The following SLC24A3 variants were observed in gnomAD, a reference collection of about 807,000 sequenced individuals.
SLC24A3 encodes solute carrier family 24 member 3, also known as sodium/potassium/calcium exchanger 3.
In SLC24A3, 28 loss-of-function variants were observed where a neutral mutation model predicts 75.8. The ratio of observed to expected loss-of-function variants is 0.37; its 90% confidence interval spans 0.27 to 0.51. The LOEUF (loss-of-function observed/expected upper bound fraction) is 0.51, where lower values mean the gene tolerates loss of function less well. SLC24A3 is among the 20% of genes least tolerant of loss of function. The pLI is 0.94. For missense variants in SLC24A3, 663 were observed against 847.8 expected, an observed-to-expected ratio of 0.78 and a Z score of 2.71; for synonymous variants, 372 against 334.1, an observed-to-expected ratio of 1.11 and a Z score of -1.24.
intron 9 of SLC24A3, among the ~76,000 whole-genome samples, chr20:19,678,711 T>G (rs1412549157): frequency 8.5e-6 from 1 of 117,354 alleles, no homozygotes; most frequent in Non-Finnish European, 1.7e-5. Flanking sequence ...CCAGACGGGG[T>G]GGCTGCCGGG....
chr20:19,656,681 T>C (rs1232096463), intron 7 of SLC24A3, among the ~76,000 whole-genome samples: 1 of 152,174 alleles, frequency 6.6e-6, no homozygotes, highest in Non-Finnish European at 1.5e-5. Flanking sequence ...TCTACTTTGC[T>C]GAATTCCAGA....
intron 3 of SLC24A3, among the ~76,000 whole-genome samples, chr20:19,567,054 C>T (rs909556974): frequency 4.6e-5 from 7 of 152,160 alleles, no homozygotes; most frequent in Non-Finnish European, 1.0e-4. Context: ...TTATACATTG[C>T]TGCTGGGAAT....
At chr20:19,634,878 C>G (rs767057149) in intron 6 of SLC24A3, among the ~76,000 whole-genome samples, 11 of 152,082 alleles carry the variant, frequency 7.2e-5, no homozygotes, top group African/African-American at 2.7e-4. Context: ...ATAAATGATA[C>G]CGCAAAAATT....
intron 2 of SLC24A3, among the ~76,000 whole-genome samples, chr20:19,384,550 A>C (rs934188062): frequency 1.3e-5 from 2 of 152,184 alleles, no homozygotes; most frequent in African/African-American, 4.8e-5. Flanking sequence ...GTGTATATAT[A>C]CCACCTTTTC....
intron 1 of SLC24A3, among the ~76,000 whole-genome samples, chr20:19,222,793 CTTCCTTCCTTCCTTCCTTCCTTCG>C: frequency 7.2e-6 from 1 of 138,596 alleles, no homozygotes; most frequent in Non-Finnish European, 1.5e-5. Flanking sequence ...CCCTTCCTTC[CTTCCTTCCTTCCTTCCTTCCTTCG>C]TTCCTTCCTT....
chr20:19,285,975 C>CT (rs1477545451), intron 2 of SLC24A3, among the ~76,000 whole-genome samples: 1 of 152,160 alleles, frequency 6.6e-6, no homozygotes, highest in African/African-American at 2.4e-5. Context: ...AGGAAATGAG[C>CT]TTTTCCTCAG....
At chr20:19,338,787 A>G (rs1985197529) in intron 2 of SLC24A3, among the ~76,000 whole-genome samples, 1 of 152,198 alleles carries the variant, frequency 6.6e-6, no homozygotes, top group African/African-American at 2.4e-5. Flanking sequence ...CGAAAATTGC[A>G]TGGGCTTGAG....
chr20:19,512,806 A>G (rs1249768165), intron 2 of SLC24A3, among the ~76,000 whole-genome samples: 1 of 152,182 alleles, frequency 6.6e-6, no homozygotes, highest in Non-Finnish European at 1.5e-5. Flanking sequence ...TCACGGAGGA[A>G]GCTTGTGGGG....
chr20:19,575,958 A>G (rs1259228521), intron 3 of SLC24A3, among the ~76,000 whole-genome samples: 1 of 152,160 alleles, frequency 6.6e-6, no homozygotes, highest in Non-Finnish European at 1.5e-5. Context: ...TGATCTTTAT[A>G]CAGGGAGATA....
chr20:19,719,693 C>T (rs2033082130), intron 16 of SLC24A3, among the ~76,000 whole-genome samples: 1 of 152,200 alleles, frequency 6.6e-6, no homozygotes, highest in Non-Finnish European at 1.5e-5. Context: ...TAAAATAAGA[C>T]CCATCCGCAT....
chr20:19,680,746 C>A (rs952463808), intron 9 of SLC24A3, among the ~76,000 whole-genome samples: 1 of 152,182 alleles, frequency 6.6e-6, no homozygotes, highest in Non-Finnish European at 1.5e-5. Context: ...GGTCTTGTTG[C>A]CATAGGCCAG....
intron 6 of SLC24A3, among the ~76,000 whole-genome samples, chr20:19,593,961 G>A (rs181852531): frequency 1.2e-4 from 18 of 152,250 alleles, no homozygotes; most frequent in African/African-American, 1.7e-4. Context: ...AACAGCTGCC[G>A]GGTGGGCCCA....
At chr20:19,348,759 A>G (rs1399603094) in intron 2 of SLC24A3, among the ~76,000 whole-genome samples, 1 of 152,146 alleles carries the variant, frequency 6.6e-6, no homozygotes, top group African/African-American at 2.4e-5. Context: ...CGAGGAGTGC[A>G]TGGAGTGCAC....
At chr20:19,335,961 C>T (rs1985121958) in intron 2 of SLC24A3, among the ~76,000 whole-genome samples, 1 of 152,176 alleles carries the variant, frequency 6.6e-6, no homozygotes, top group African/African-American at 2.4e-5. Flanking sequence ...CACCATATAG[C>T]CCCTGGGTCT....
At chr20:19,399,250 C>T (rs1986509490) in intron 2 of SLC24A3, among the ~76,000 whole-genome samples, 1 of 151,902 alleles carries the variant, frequency 6.6e-6, no homozygotes, top group Non-Finnish European at 1.5e-5. Context: ...TTTTGTATTT[C>T]GTTGATCCCA....
intron 2 of SLC24A3, among the ~76,000 whole-genome samples, chr20:19,378,131 G>C (rs1474472729): frequency 1.3e-5 from 2 of 152,124 alleles, no homozygotes; most frequent in Admixed American, 1.3e-4. Flanking sequence ...TGGATGGAGA[G>C]TGCTCTCCAG....
intron 3 of SLC24A3, among the ~76,000 whole-genome samples, chr20:19,528,843 T>C (rs2030244305): frequency 6.6e-6 from 1 of 152,184 alleles, no homozygotes; most frequent in South Asian, 2.1e-4. Context: ...ATCAGAAGCT[T>C]TCATGGGACC....
At chr20:19,438,461 C>A (rs1987243626) in intron 2 of SLC24A3, among the ~76,000 whole-genome samples, 1 of 152,146 alleles carries the variant, frequency 6.6e-6, no homozygotes, top group Admixed American at 6.5e-5. Flanking sequence ...CAGGACATCC[C>A]TACATGGTAG....
chr20:19,524,059 C>G (rs1241792241), intron 3 of SLC24A3, among the ~76,000 whole-genome samples: 1 of 152,178 alleles, frequency 6.6e-6, no homozygotes, highest in Admixed American at 6.5e-5. Flanking sequence ...GCTGGGCTAA[C>G]AGAAACACAT....
Sources: gnomAD v4.1 joint callset for allele counts (sites outside exome capture counted in the v4.1 genomes callset) on GRCh38, gnomAD v4.1.1 for gene constraint, MANE v1.5 for transcripts, NCBI Gene and HGNC (gene_info 2026-07-23, HGNC 2026-07-21) for gene names.